The following CHAF1A variants were observed in gnomAD, a reference collection of about 807,000 sequenced individuals.
CHAF1A encodes chromatin assembly factor 1 subunit A, also known as CAF-1 subunit A.
In CHAF1A, 5 loss-of-function variants were observed where a neutral mutation model predicts 93.2. The observed-to-expected ratio is 0.05, with a 90% CI of 0.03 to 0.11. CHAF1A has a LOEUF of 0.11. Ranked by LOEUF, CHAF1A falls within the 10% of genes least tolerant of loss-of-function variation. CHAF1A has a pLI of 1.00. For synonymous variants in CHAF1A, 504 were observed against 510.3 expected (o/e 0.99, Z 0.17); for missense variants, 1,102 against 1,259.9 (o/e 0.87, Z 1.90).
At chr19:4,407,176 G>A (rs1163754092) in intron 2 of CHAF1A, among the ~76,000 whole-genome samples, 8 of 151,312 alleles carry the variant, frequency 5.3e-5, no homozygotes, top group Non-Finnish European at 5.9e-5. Flanking sequence ...CCAAGGGTGC[G>A]CCACTGCACT....
At chr19:4,443,870 G>A (rs534644016), downstream of CHAF1A, among the ~76,000 whole-genome samples, 199 of 152,290 alleles carry the variant, frequency 1.3e-3, 1 homozygote, top group Non-Finnish European at 1.9e-3. Flanking sequence ...CAGAGCACAC[G>A]CAGCCACGGG....
intron 3 of CHAF1A, among the ~76,000 whole-genome samples, chr19:4,410,142 A>T (rs541255105): frequency 1.3e-5 from 2 of 152,190 alleles, no homozygotes; most frequent in African/African-American, 4.8e-5. Context: ...TAAGCATAGA[A>T]ATGTAGGGAC....
chr19:4,446,617 G>C (rs1468054632), downstream of CHAF1A: 6 of 1,612,458 alleles, frequency 3.7e-6, no homozygotes, highest in African/African-American at 2.7e-5. Flanking sequence ...GTCCAGCTTG[G>C]CGCGCACGGG....
At chr19:4,405,326 A>G (rs940201763) in intron 1 of CHAF1A, among the ~76,000 whole-genome samples, 7 of 152,162 alleles carry the variant, frequency 4.6e-5, no homozygotes, top group African/African-American at 7.2e-5. Context: ...GGATTTCTCA[A>G]CCTATTAACA....
intron 7 of CHAF1A, among the ~76,000 whole-genome samples, chr19:4,424,729 G>C (rs1455976490): frequency 6.6e-6 from 1 of 152,160 alleles, no homozygotes; most frequent in Admixed American, 6.5e-5. Flanking sequence ...CCACCTCCCG[G>C]GTTCCAGTGA....
rs757341375 is a variant in CHAF1A at position 4,432,042 on chromosome 19, G to T, written c.2038G>T (p.Val680Phe). 6.8e-6 allele frequency: 11 copies of T among 1,614,144 alleles called. No homozygotes were observed. Among genetic ancestry groups the T allele is most frequent in the Non-Finnish European group, 9.3e-6 (11 of 1,180,038 alleles). The stretch of plus-strand genomic sequence containing the variant: ...CCTGGCTAAGGGGAAGCGCTTTCGC[G>T]TCCTGCAACCTGTGAAGATCGGCTG... ...EFLAKGKRFRVLQPVKIGCVW... is the reference protein window; with the variant it reads ...EFLAKGKRFRFLQPVKIGCVW... The change falls in exon 12 of 15, where the codon GTC becomes TTC. Residue 680 changes from valine (V) to phenylalanine (F), a missense_variant. Physicochemically the swap from Val to Phe is conservative, Grantham distance 50 (BLOSUM62 -1). Around this residue, in one of 6 missense-constraint regions of CHAF1A, gnomAD observed 335 missense variants for 361.9 expected, o/e 0.93. Coordinates refer to ENST00000301280, the MANE Select transcript of CHAF1A (RefSeq NM_005483.3).
downstream of CHAF1A, chr19:4,448,389 G>A (rs1974584674): frequency 6.3e-7 from 1 of 1,582,478 alleles, no homozygotes; most frequent in Non-Finnish European, 8.6e-7. Context: ...TCATGATGGA[G>A]GCGGCCACTG....
At chr19:4,448,214 A>C (rs942205117), downstream of CHAF1A, 2 of 1,064,152 alleles carry the variant, frequency 1.9e-6, no homozygotes, top group Non-Finnish European at 2.8e-6. Flanking sequence ...TTCCCAACCC[A>C]CCTCAGCAGG....
At chr19:4,441,544 G>T (rs981746414) in intron 13 of CHAF1A, among the ~76,000 whole-genome samples, 1 of 151,570 alleles carries the variant, frequency 6.6e-6, no homozygotes. Flanking sequence ...GGTGGCGGAG[G>T]TTGCAGTGAG....
Position 4,409,453 on chromosome 19 carries a change from C to T in CHAF1A, c.654C>T (p.Pro218=), listed in dbSNP as rs759901021. 111 of 1,613,940 alleles carry T rather than the reference C, an allele frequency of 6.9e-5. No homozygotes were observed. Among genetic ancestry groups the T allele is most frequent in the Non-Finnish European group, 9.2e-5 (109 of 1,180,016 alleles). Reference sequence around the variant, plus strand: ...TGACGAGTGGCCCGAGAATGTGCCCCAGAAAGGAGCAGGACAGTTGGAGTG... The same window carrying T: ...TGACGAGTGGCCCGAGAATGTGCCCTAGAAAGGAGCAGGACAGTTGGAGTG... ...PELTSGPRMC[P]RKEQDSWSEA... The change falls in exon 3 of 15, where the codon CCC becomes CCT. Residue 218 remains proline, a synonymous_variant. Transcript: ENST00000301280.
rs1973998906 is a variant in CHAF1A at position 4,422,023 on chromosome 19, T to TA, written c.1018-543_1018-542insA. The stretch of plus-strand genomic sequence containing the variant: ...CGCCTGGCTAATTTTTTTTTTTTTT[T>TA]TTATTAAATGGAGTCTCACTCTGTC... On this transcript the variant is annotated intron_variant, in intron 4 of 14. Coordinates refer to ENST00000301280, the MANE Select transcript of CHAF1A (RefSeq NM_005483.3). The surrounding 1 kb of genome is among the most constrained non-coding windows in gnomAD (Gnocchi z 4.6). Among the ~76,000 whole-genome samples, 1 of 151,562 alleles carries TA rather than the reference T, an allele frequency of 6.6e-6. No individual in the cohort carries two copies. Among genetic ancestry groups the TA allele is most frequent in the Non-Finnish European group, 1.5e-5 (1 of 67,866 alleles).
chr19:4,434,353 A>G (rs1974243886), intron 13 of CHAF1A, among the ~76,000 whole-genome samples: 1 of 152,198 alleles, frequency 6.6e-6, no homozygotes, highest in Non-Finnish European at 1.5e-5. Flanking sequence ...CTCTAAAAAT[A>G]AATACATAAA....
chr19:4,429,259 C>T, intron 8 of CHAF1A, 179 bp from the exon 9 acceptor site: 1 of 708,668 alleles, frequency 1.4e-6, no homozygotes, highest in Non-Finnish European at 2.3e-6. Context: ...GCTGCACCCT[C>T]CTCCATCTGT....
At chr19:4,445,326 G>A (rs1458421353), downstream of CHAF1A, 1 of 1,143,476 alleles carries the variant, frequency 8.7e-7, no homozygotes, top group East Asian at 2.4e-5. Flanking sequence ...CCAAGGGATG[G>A]GGGCTCTGCC....
intron 13 of CHAF1A, among the ~76,000 whole-genome samples, chr19:4,435,909 C>A (rs1333028595): frequency 2.0e-5 from 3 of 152,148 alleles, no homozygotes; most frequent in Non-Finnish European, 4.4e-5. Flanking sequence ...GAGGCCAAGG[C>A]GGGCAGATCA....
At chr19:4,435,383 T>C (rs1300083527) in intron 13 of CHAF1A, among the ~76,000 whole-genome samples, 3 of 151,978 alleles carry the variant, frequency 2.0e-5, no homozygotes, top group African/African-American at 7.2e-5. Flanking sequence ...TGTCCTGGCC[T>C]TTTTTTGAGT....
chr19:4,435,906 A>G (rs1442236943), intron 13 of CHAF1A, among the ~76,000 whole-genome samples: 1 of 152,190 alleles, frequency 6.6e-6, no homozygotes, highest in African/African-American at 2.4e-5. Context: ...TGGGAGGCCA[A>G]GGCGGGCAGA....
At chr19:4,402,849 C>T (rs1401833266) in intron 1 of CHAF1A, 35 bp downstream of exon 1, 1 of 1,169,350 alleles carries the variant, frequency 8.6e-7, no homozygotes, top group Non-Finnish European at 1.1e-6. Flanking sequence ...GAAGGGGGGG[C>T]GCGGCGCGCG....
At chr19:4,426,167 CTTTTTTTT>C (rs57040531) in intron 7 of CHAF1A, among the ~76,000 whole-genome samples, 1 of 95,624 alleles carries the variant, frequency 1.0e-5, no homozygotes, top group Non-Finnish European at 2.0e-5. Flanking sequence ...TGTTTACAGT[CTTTTTTTT>C]TTTTTTTTTT....
Sources: gnomAD v4.1 joint callset for allele counts (sites outside exome capture counted in the v4.1 genomes callset) on GRCh38, gnomAD v4.1.1 for gene constraint, gnomAD v4.1.1 regional missense constraint, Gnocchi (gnomAD v3.1) non-coding constraint, MANE v1.5 for transcripts, NCBI Gene and HGNC (gene_info 2026-07-23, HGNC 2026-07-21) for gene names.